Variants in GPR107 observed in about 807,000 individuals in gnomAD.
GPR107 encodes G protein-coupled receptor 107, also known as protein GPR107.
Under a neutral mutation model 75.5 loss-of-function variants are expected in GPR107, and 31 were observed. The ratio of observed to expected loss-of-function variants is 0.41; its 90% CI spans 0.31 to 0.55. The LOEUF (loss-of-function observed/expected upper bound fraction) is 0.55, where lower values mean the gene tolerates loss of function less well. GPR107 is among the 20% of genes least tolerant of loss of function. The pLI is 0.26. For missense variants in GPR107, 572 were observed against 665.7 expected, an observed-to-expected ratio of 0.86 and a Z score of 1.55; for synonymous variants, 267 against 251.3, an observed-to-expected ratio of 1.06 and a Z score of -0.59.
chr9:130,127,522 C>A lies in GPR107; in HGVS notation c.1396C>A (p.Leu466Ile), dbSNP rs139889265. ...YIYFTRIIAF[L>I]LKLAVPFQWK... The stretch of plus-strand genomic sequence containing the variant: ...ATACTTCACTAGGATCATTGCATTT[C>A]TCCTCAAACTCGCTGTTCCATTCCA... Residue 466 changes from leucine to isoleucine, a missense_variant, in exon 16 of 18, where the codon CTC (leucine) becomes ATC (isoleucine). Coordinates refer to ENST00000347136, the MANE Select transcript of GPR107 (RefSeq NM_020960.5). The A allele has an allele frequency of 2.5e-6, 4 of 1,602,522 alleles. No homozygotes were observed. The highest frequency in any genetic ancestry group is 3.4e-6 in the Non-Finnish European group (4 of 1,169,540).
In GPR107 at chr9:130,084,352, C is replaced by T. The variant is rs561302167; in HGVS notation, c.564+750C>T. Among the ~76,000 whole-genome samples, 10 of 150,516 alleles carry T rather than the reference C, an allele frequency of 6.6e-5. 1 individual carries two copies. The highest frequency in any genetic ancestry group is 2.2e-4 in the African/African-American group (9 of 40,944). ...GGCAGAGGCTTCAGTGAGCCAAGAT[C>T]GCGCTACTGCACTCCAGCCTGGGTG... On this transcript the variant is annotated intron_variant, in intron 6 of 17. Transcript: ENST00000347136.
At chr9:130,076,261 G>A (rs893001996) in intron 2 of GPR107, 151 bp from the exon 3 acceptor site, 1 of 553,202 alleles carries the variant, frequency 1.8e-6, no homozygotes, top group Non-Finnish European at 3.3e-6. Context: ...TAGTGACTTT[G>A]CTTGAGTGAT....
chr9:130,071,035 C>CT (rs56799662), intron 1 of GPR107, among the ~76,000 whole-genome samples: 22,666 of 97,712 alleles, frequency 0.23, 3,753 homozygotes, highest in Non-Finnish European at 0.27. Context: ...TTTTTTTTTT[C>CT]TTTTTTTTTT....
chr9:130,086,973 C>G (rs994006533), intron 7 of GPR107, among the ~76,000 whole-genome samples: 1 of 152,144 alleles, frequency 6.6e-6, no homozygotes, highest in African/African-American at 2.4e-5. Flanking sequence ...CGTATGGGAA[C>G]AAGATACTGG....
intron 15 of GPR107, among the ~76,000 whole-genome samples, chr9:130,125,633 G>A (rs898992785): frequency 4.8e-5 from 6 of 126,210 alleles, no homozygotes; most frequent in Non-Finnish European, 9.4e-5. Context: ...ACGGAGTCTC[G>A]CTCTGTCGCC....
Position 130,138,087 on chromosome 9 carries a change from G to C in GPR107, c.*2966G>C, listed in dbSNP as rs1832003090. On this transcript the variant is annotated 3_prime_UTR_variant, in exon 18 of 18. Transcript: ENST00000347136. Reference sequence around the variant, plus strand: ...CTTAACAGTGAGTGGCCAAGGACTTGATCAGCCCATTTCTTGGTCCCTCAG... The same window carrying C: ...CTTAACAGTGAGTGGCCAAGGACTTCATCAGCCCATTTCTTGGTCCCTCAG... 1 of 152,230 alleles carries C rather than the reference G, an allele frequency of 6.6e-6. No homozygotes were observed. The highest frequency in any genetic ancestry group is 2.1e-4 in the South Asian group (1 of 4,834). The allele number at this position is 152,230 out of a possible 1,614,324, so 9.4% of individuals were successfully genotyped here.
intron 5 of GPR107, among the ~76,000 whole-genome samples, chr9:130,081,796 CAGTGAGCCGAGATT>C (rs1464778414): frequency 6.6e-6 from 1 of 152,080 alleles, no homozygotes; most frequent in Non-Finnish European, 1.5e-5. Flanking sequence ...ACAGAGGCTG[CAGTGAGCCGAGATT>C]GCGCCACTGC....
intron 1 of GPR107, among the ~76,000 whole-genome samples, chr9:130,058,145 T>G (rs1365275007): frequency 6.6e-6 from 1 of 152,126 alleles, no homozygotes; most frequent in African/African-American, 2.4e-5. Flanking sequence ...TATTTTTGTT[T>G]ATTTTTTTAA....
chr9:130,115,824 A>C (rs542666790), intron 14 of GPR107, among the ~76,000 whole-genome samples: 1 of 151,524 alleles, frequency 6.6e-6, no homozygotes, highest in South Asian at 2.1e-4. Flanking sequence ...AACCCCAGCT[A>C]CTTGGGAGGC....
intron 14 of GPR107, among the ~76,000 whole-genome samples, chr9:130,115,854 C>T (rs923354645): frequency 1.3e-5 from 2 of 151,940 alleles, no homozygotes; most frequent in Non-Finnish European, 2.9e-5. Flanking sequence ...CTGCCTGCCT[C>T]GGCCTCTCAA....
intron 15 of GPR107, among the ~76,000 whole-genome samples, chr9:130,126,352 T>C (rs1351250013): frequency 1.3e-5 from 2 of 149,986 alleles, no homozygotes; most frequent in African/African-American, 4.9e-5. Context: ...CTTTTTTTTT[T>C]TTTTTTTTTT....
intron 7 of GPR107, among the ~76,000 whole-genome samples, chr9:130,088,659 C>A (rs140262597): frequency 6.6e-6 from 1 of 152,146 alleles, no homozygotes; most frequent in Admixed American, 6.6e-5. Context: ...TCTGTGAAGT[C>A]GGTATTGTTA....
At chr9:130,085,897 C>A (rs1378347264) in intron 6 of GPR107, among the ~76,000 whole-genome samples, 2 of 151,692 alleles carry the variant, frequency 1.3e-5, no homozygotes. Context: ...ATTATAGACA[C>A]GCACCACCAC....
At chr9:130,079,468 T>G (rs1469391685) in intron 4 of GPR107, among the ~76,000 whole-genome samples, 162 bp from the exon 5 acceptor site, 6 of 152,258 alleles carry the variant, frequency 3.9e-5, no homozygotes, top group Admixed American at 2.6e-4. Context: ...TATTTAACGT[T>G]TCTGAGCCTC....
intron 1 of GPR107, among the ~76,000 whole-genome samples, chr9:130,059,308 T>C (rs906159456): frequency 6.6e-6 from 1 of 152,024 alleles, no homozygotes; most frequent in African/African-American, 2.4e-5. Context: ...GCCAACATGG[T>C]AAAACCCTGT....
intron 5 of GPR107, among the ~76,000 whole-genome samples, chr9:130,082,587 C>T (rs1830519298): frequency 6.7e-6 from 1 of 150,218 alleles, no homozygotes; most frequent in Admixed American, 6.7e-5. Context: ...TCACGCCATT[C>T]TCCTGCCTCA....
chr9:130,134,322 C>T (rs1222540004), intron 17 of GPR107, among the ~76,000 whole-genome samples: 1 of 152,212 alleles, frequency 6.6e-6, no homozygotes, highest in South Asian at 2.1e-4. Flanking sequence ...TTGCTCAGCT[C>T]CTCATGCCCT....
chr9:130,060,455 C>T (rs900278577), intron 1 of GPR107, among the ~76,000 whole-genome samples: 5 of 126,186 alleles, frequency 4.0e-5, no homozygotes, highest in Non-Finnish European at 7.8e-5. Context: ...GTTGCCCTGG[C>T]TGGAGTACAG....
chr9:130,137,827 T>C lies in GPR107; in HGVS notation c.*2706T>C, dbSNP rs1831995642. On this transcript the variant is annotated 3_prime_UTR_variant, in exon 18 of 18. Coordinates refer to ENST00000347136, the MANE Select transcript of GPR107 (RefSeq NM_020960.5). Reference sequence around the variant, plus strand: ...TGTTTGAATGGTTAAGCCCTTGCAGTATTTCAGATCGGGCAAAAAATATCG... The same window carrying C: ...TGTTTGAATGGTTAAGCCCTTGCAGCATTTCAGATCGGGCAAAAAATATCG... 1 of 152,270 alleles carries C rather than the reference T, an allele frequency of 6.6e-6. No individual in the cohort carries two copies. Among genetic ancestry groups the C allele is most frequent in the African/African-American group, 2.4e-5 (1 of 41,478 alleles). The allele number at this position is 152,270 out of a possible 1,614,324, so 9.4% of individuals were successfully genotyped here.
Sources: gnomAD v4.1 joint callset for allele counts (sites outside exome capture counted in the v4.1 genomes callset) on GRCh38, gnomAD v4.1.1 for gene constraint, MANE v1.5 for transcripts, NCBI Gene and HGNC (gene_info 2026-07-23, HGNC 2026-07-21) for gene names.